The following EPB41L3 variants were observed in gnomAD, a reference collection of about 807,000 sequenced individuals.
The protein encoded by EPB41L3 is band 4.1-like protein 3.
A neutral mutation model predicts 127.1 loss-of-function variants in EPB41L3; 57 were observed. That is an observed-to-expected ratio of 0.45 (90% CI 0.36 to 0.56). EPB41L3 has a LOEUF of 0.56. Ranked by LOEUF, EPB41L3 falls within the 20% of genes least tolerant of loss-of-function variation. The pLI is 0.00. For synonymous variants in EPB41L3, 572 were observed against 549.5 expected, an observed-to-expected ratio of 1.04 and a Z score of -0.57; for missense variants, 1,273 against 1,372.2, an observed-to-expected ratio of 0.93 and a Z score of 1.14.
intron 21 of EPB41L3, 43 bp downstream of exon 21, chr18:5,395,024 C>CT (rs2143605519): frequency 6.3e-7 from 1 of 1,589,478 alleles, no homozygotes; most frequent in East Asian, 2.2e-5. Context: ...ACAGGTTTTT[C>CT]TTTGTTTCTC....
intron 9 of EPB41L3, among the ~76,000 whole-genome samples, chr18:5,426,436 C>T (rs2078194798): frequency 6.6e-6 from 1 of 152,182 alleles, no homozygotes; most frequent in African/African-American, 2.4e-5. Flanking sequence ...GCCTCTGAAA[C>T]CTCTCTCTTG....
chr18:5,416,427 A>T, intron 12 of EPB41L3, 49 bp from the exon 13 acceptor site: 1 of 1,516,216 alleles, frequency 6.6e-7, no homozygotes, highest in Non-Finnish European at 8.8e-7. Flanking sequence ...ACAGAGGTGC[A>T]AAAGGACAAA....
chr18:5,394,847 TG>T, intron 21 of EPB41L3, 54 bp from the exon 22 acceptor site: 1 of 1,525,560 alleles, frequency 6.6e-7, no homozygotes, highest in Non-Finnish European at 9.1e-7. Flanking sequence ...GGAACATGCA[TG>T]ATCAGTGGTG....
At chr18:5,472,166 A>T (rs2086265098) in intron 3 of EPB41L3, among the ~76,000 whole-genome samples, 1 of 152,204 alleles carries the variant, frequency 6.6e-6, no homozygotes, top group Admixed American at 6.5e-5. Flanking sequence ...TGGATTTAAC[A>T]GTTTTAGTAA....
At chr18:5,527,108 T>G (rs550931231) in intron 1 of EPB41L3, among the ~76,000 whole-genome samples, 1 of 151,510 alleles carries the variant, frequency 6.6e-6, no homozygotes, top group East Asian at 1.9e-4. Context: ...ATTAACAACG[T>G]GGAAGTGTTC....
rs567272693 is a variant in EPB41L3, at chr18:5,521,404, T to C, written c.-12+22509A>G. Reference sequence around the variant, plus strand: ...CAGCTCATCAAGTTAACCCCCAACATTATCTAGCTTAGTACCAAATGCCAG... The same window carrying C: ...CAGCTCATCAAGTTAACCCCCAACACTATCTAGCTTAGTACCAAATGCCAG... On this transcript the variant is annotated intron_variant, in intron 1 of 22. Coordinates refer to ENST00000341928, the MANE Select transcript of EPB41L3 (RefSeq NM_012307.5). 7.2e-5 allele frequency: 11 copies of C among 152,294 alleles called. No homozygotes were observed. In the East Asian group the frequency reaches 1.7e-3, roughly 24 times the overall value. 9.4% of individuals were successfully genotyped at this position (152,294 alleles called of 1,614,324 possible).
At position 5,617,179 on chromosome 18, in the gene EPB41L3, T is replaced by C. The variant is rs78803207; in HGVS notation, c.-467-2756A>G. ...TTTATATACTGGCCTCCCTATAAAA[T>C]GATAGCACCATATTTTATTCACATT... On this transcript the variant is annotated intron_variant, in intron 1 of 21. Transcript: ENST00000545076. 7.0e-4 allele frequency among the ~76,000 whole-genome samples: 106 copies of C among 152,320 alleles called. No homozygotes were observed. In the East Asian group the frequency reaches 0.019, roughly 27 times the overall value.
At chr18:5,546,758 T>C (rs1024569559), upstream of EPB41L3, among the ~76,000 whole-genome samples, 3 of 152,160 alleles carry the variant, frequency 2.0e-5, no homozygotes, top group Non-Finnish European at 4.4e-5. Context: ...CATAGCTGCA[T>C]AGCTCCCTCA....
rs145555476 is a variant in EPB41L3, at chr18:5,420,572, C to T, written c.1340-695G>A. On this transcript the variant is annotated intron_variant, in intron 11 of 22. Coordinates refer to ENST00000341928, the MANE Select transcript of EPB41L3 (RefSeq NM_012307.5). Reference sequence around the variant, plus strand: ...CTACCATAATATGCATATACATTTACTCATCTCTAATATTTTGGGAAAACA... The same window carrying T: ...CTACCATAATATGCATATACATTTATTCATCTCTAATATTTTGGGAAAACA... 3.5e-4 allele frequency among the ~76,000 whole-genome samples: 53 copies of T among 152,286 alleles called. 1 individual carries two copies. In the East Asian group the frequency reaches 9.5e-3, roughly 27 times the overall value.
chr18:5,588,802 G>T (rs1007313921), intron 3 of EPB41L3, among the ~76,000 whole-genome samples: 2 of 152,024 alleles, frequency 1.3e-5, no homozygotes, highest in South Asian at 2.1e-4. Context: ...TAGGCTTTAT[G>T]ATGAGTTGAA....
chr18:5,398,809 A>G, intron 16 of EPB41L3: 2 of 399,312 alleles, frequency 5.0e-6, no homozygotes, highest in Non-Finnish European at 8.8e-6. Context: ...GTTTTGCTGA[A>G]GCGTCTGCCT....
At chr18:5,516,978 C>T (rs1438469745) in intron 1 of EPB41L3, among the ~76,000 whole-genome samples, 1 of 152,156 alleles carries the variant, frequency 6.6e-6, no homozygotes, top group Non-Finnish European at 1.5e-5. Flanking sequence ...TGCAAGTCAA[C>T]AATATCTTAG....
chr18:5,561,272 T>C lies in EPB41L3; in HGVS notation c.-306+51068A>G, dbSNP rs191126968. ...GATTATAGGCGTGAGCCACCGCGCC[T>C]GGCCAGTTGTAATTAATTTTTTAAA... On this transcript the variant is annotated intron_variant, in intron 3 of 21. Transcript: ENST00000545076. 1.3e-3 allele frequency among the ~76,000 whole-genome samples: 192 copies of C among 152,240 alleles called. 1 individual carries two copies. Among genetic ancestry groups the C allele is most frequent in the Middle Eastern group, 0.01 (3 of 294 alleles).
chr18:5,480,351 C>T (rs968215228), intron 2 of EPB41L3, among the ~76,000 whole-genome samples: 2 of 152,120 alleles, frequency 1.3e-5, no homozygotes, highest in Admixed American at 6.5e-5. Context: ...TCATATGATG[C>T]GTTCTAATTT....
rs1438769433 is a variant in EPB41L3 at position 5,489,017 on chromosome 18, G to A, written c.167C>T (p.Thr56Ile). 2.5e-6 allele frequency: 4 copies of A among 1,586,156 alleles called. No individual in the cohort carries two copies. The highest frequency in any genetic ancestry group is 3.4e-6 in the Non-Finnish European group (4 of 1,174,432). Residue 56 changes from threonine to isoleucine, a missense_variant, in exon 2 of 23, where the codon ACC becomes ATC. Coordinates refer to ENST00000341928, the MANE Select transcript of EPB41L3 (RefSeq NM_012307.5). ...TGGGCTCACCTCCCTCCGCACCGGG[G>A]TGCTGTGCGCTGCAGCGGCGGCGAA... ...EQFAAAAAHS[T>I]PVRREVTDKE... is the part of the protein sequence containing the mutation.
At chr18:5,590,548 G>T (rs1162340032) in intron 3 of EPB41L3, among the ~76,000 whole-genome samples, 1 of 148,144 alleles carries the variant, frequency 6.8e-6, no homozygotes, top group African/African-American at 2.5e-5. Context: ...ATTTACCCTA[G>T]AGAAGTGAAC....
At chr18:5,460,258 C>T (rs540604556) in intron 3 of EPB41L3, among the ~76,000 whole-genome samples, 1 of 152,250 alleles carries the variant, frequency 6.6e-6, no homozygotes, top group East Asian at 1.9e-4. Context: ...AGTGGCCTCT[C>T]ATTTGGGTTC....
In EPB41L3 at chr18:5,415,787, G is replaced by C. The variant is rs562245883; in HGVS notation, c.2067+31C>G. The C allele has an allele frequency of 4.3e-5, 69 of 1,590,846 alleles. 1 individual carries two copies. In the Admixed American group the frequency reaches 9.3e-4, roughly 22 times the overall value. Reference sequence around the variant, plus strand: ...TTCGGACTCAAGCACGGAACACGAAGGGGAAGCGTGTTCTATGCCGAGGTA... The same window carrying C: ...TTCGGACTCAAGCACGGAACACGAACGGGAAGCGTGTTCTATGCCGAGGTA... On this transcript the variant is annotated intron_variant, in intron 13 of 22. Coordinates refer to ENST00000341928, the MANE Select transcript of EPB41L3 (RefSeq NM_012307.5).
chr18:5,522,753 C>A (rs2093046921), intron 1 of EPB41L3, among the ~76,000 whole-genome samples: 1 of 152,108 alleles, frequency 6.6e-6, no homozygotes, highest in Non-Finnish European at 1.5e-5. Context: ...GAGGGCAAAT[C>A]TTAAACAATG....
Sources: gnomAD v4.1 joint callset for allele counts (sites outside exome capture counted in the v4.1 genomes callset) on GRCh38, gnomAD v4.1.1 for gene constraint, MANE v1.5 for transcripts, NCBI Gene and HGNC (gene_info 2026-07-23, HGNC 2026-07-21) for gene names.